KCNS3: variants seen among roughly 807,000 people sequenced by gnomAD.
KCNS3 encodes the protein potassium voltage-gated channel modifier subfamily S member 3.
A neutral mutation model predicts 31.0 loss-of-function variants in KCNS3; 13 were observed. The observed-to-expected ratio is 0.42, with a 90% CI of 0.27 to 0.67. KCNS3 has a LOEUF of 0.67. KCNS3 is among the 30% of genes least tolerant of loss of function. The pLI is 0.25. For missense variants in KCNS3, 545 were observed against 622.4 expected (o/e 0.88, Z 1.32); for synonymous variants, 238 against 241.5 (o/e 0.99, Z 0.13).
chr2:17,884,268 A>AAAATAT (rs1459540269), intron 1 of KCNS3, among the ~76,000 whole-genome samples: 77 of 46,648 alleles, frequency 1.7e-3, no homozygotes, highest in Non-Finnish European at 2.1e-3. Context: ...AAAAAAAAAA[A>AAAATAT]ATATATATAT....
At chr2:17,925,210 G>A (rs1320572210) in intron 2 of KCNS3, among the ~76,000 whole-genome samples, 3 of 152,144 alleles carry the variant, frequency 2.0e-5, no homozygotes, top group Admixed American at 6.5e-5. Flanking sequence ...GGTAAGACAT[G>A]CTTCATTATA....
chr2:17,912,707 C>T (rs967980645), intron 1 of KCNS3, among the ~76,000 whole-genome samples: 4 of 152,198 alleles, frequency 2.6e-5, no homozygotes, highest in Non-Finnish European at 4.4e-5. Context: ...TATTTAGTTA[C>T]CCATGCATCA....
intron 1 of KCNS3, among the ~76,000 whole-genome samples, chr2:17,906,125 C>T (rs1572490411): frequency 6.6e-6 from 1 of 152,172 alleles, no homozygotes; most frequent in East Asian, 1.9e-4. Context: ...TTAATTATTG[C>T]CTCAATTTCA....
Position 17,931,657 on chromosome 2 carries a change from G to T in KCNS3, c.649G>T (p.Val217Leu), listed in dbSNP as rs1662977729. Residue 217 changes from valine (V) to leucine (L), a missense_variant, in exon 3 of 3, where the codon GTG (valine) becomes TTG (leucine). Transcript: ENST00000304101. This position sits in a 1 kb window ranked among gnomAD's most constrained non-coding sequence, Gnocchi z 5.4. ...GGAGTTCCAGAATGAGGATGGAGAAGTGGATGATCCGGTGCTGGAAGGAGT... is the reference window on the plus strand; with the variant it reads ...GGAGTTCCAGAATGAGGATGGAGAATTGGATGATCCGGTGCTGGAAGGAGT... Reference protein sequence around the residue: ...MSEFQNEDGEVDDPVLEGVEI... With the variant: ...MSEFQNEDGELDDPVLEGVEI... The T allele has an allele frequency of 6.2e-7, 1 of 1,614,224 alleles. No homozygotes were observed. The highest frequency in any genetic ancestry group is 8.5e-7 in the Non-Finnish European group (1 of 1,180,046).
chr2:17,899,733 A>G (rs1313880686), intron 1 of KCNS3, among the ~76,000 whole-genome samples: 5 of 152,244 alleles, frequency 3.3e-5, no homozygotes, highest in Non-Finnish European at 7.3e-5. Context: ...CAGAAAAGTT[A>G]TTTTGTAATG....
At chr2:17,930,422 G>A (rs1261018283) in intron 2 of KCNS3, among the ~76,000 whole-genome samples, 5 of 152,172 alleles carry the variant, frequency 3.3e-5, no homozygotes, top group African/African-American at 1.2e-4. Context: ...GGTACGCAAA[G>A]GGAAACTCAC....
intron 1 of KCNS3, among the ~76,000 whole-genome samples, chr2:17,908,036 A>G (rs937055339): frequency 3.3e-5 from 5 of 152,166 alleles, no homozygotes; most frequent in Non-Finnish European, 5.9e-5. Flanking sequence ...GTTCTCCTGG[A>G]TAATATCCTG....
intron 1 of KCNS3, among the ~76,000 whole-genome samples, chr2:17,909,429 G>T (rs767850777): frequency 6.6e-5 from 10 of 152,166 alleles, no homozygotes; most frequent in Non-Finnish European, 1.5e-4. Flanking sequence ...GCCTTGCCCT[G>T]CTTCGGCTCA....
At chr2:17,886,348 AAT>A (rs1227691557) in intron 1 of KCNS3, among the ~76,000 whole-genome samples, 2 of 152,226 alleles carry the variant, frequency 1.3e-5, no homozygotes, top group Non-Finnish European at 2.9e-5. Flanking sequence ...TTCATGGTTG[AAT>A]ACTGTTGTTT....
At chr2:17,908,846 C>T (rs1343588752) in intron 1 of KCNS3, among the ~76,000 whole-genome samples, 10 of 152,148 alleles carry the variant, frequency 6.6e-5, no homozygotes, top group South Asian at 2.1e-4. Context: ...GGTACCCGGC[C>T]GTGTGAAGTG....
At chr2:17,919,230 A>G (rs1484067884) in intron 2 of KCNS3, among the ~76,000 whole-genome samples, 1 of 152,186 alleles carries the variant, frequency 6.6e-6, no homozygotes, top group Non-Finnish European at 1.5e-5. Context: ...GAGTGAGTAC[A>G]ACTTTAATGT....
intron 1 of KCNS3, among the ~76,000 whole-genome samples, chr2:17,897,397 G>T (rs558742678): frequency 6.6e-6 from 1 of 152,250 alleles, no homozygotes; most frequent in South Asian, 2.1e-4. Flanking sequence ...ATTTTCTTTG[G>T]ATATACCGGT....
intron 2 of KCNS3, among the ~76,000 whole-genome samples, chr2:17,927,488 G>C (rs954263042): frequency 6.6e-6 from 1 of 152,186 alleles, no homozygotes; most frequent in Non-Finnish European, 1.5e-5. Flanking sequence ...ACACAAGACT[G>C]TGTAATTTAT....
At chr2:17,881,415 C>G (rs1674640363) in intron 1 of KCNS3, among the ~76,000 whole-genome samples, 1 of 152,154 alleles carries the variant, frequency 6.6e-6, no homozygotes, top group Non-Finnish European at 1.5e-5. Flanking sequence ...CTTTATGGCT[C>G]CTTGACTTGA....
intron 1 of KCNS3, among the ~76,000 whole-genome samples, chr2:17,892,780 T>C (rs1338006965): frequency 6.6e-6 from 1 of 152,228 alleles, no homozygotes; most frequent in Non-Finnish European, 1.5e-5. Context: ...AGTTCTGTGA[T>C]ATGAACTGTC....
chr2:17,892,501 G>A (rs1317903816), intron 1 of KCNS3, among the ~76,000 whole-genome samples: 2 of 152,076 alleles, frequency 1.3e-5, no homozygotes, highest in African/African-American at 4.8e-5. Flanking sequence ...GGGGGGTGTT[G>A]AAGAGCCTTG....
chr2:17,921,955 A>ATATATATG, intron 2 of KCNS3, among the ~76,000 whole-genome samples: 1 of 136,586 alleles, frequency 7.3e-6, no homozygotes, highest in African/African-American at 2.7e-5. Context: ...ATATATATAT[A>ATATATATG]TATAAATACA....
intron 1 of KCNS3, among the ~76,000 whole-genome samples, chr2:17,893,940 G>GTTTTTTTT (rs5829612): frequency 0.012 from 1,209 of 98,812 alleles, 105 homozygotes; most frequent in East Asian, 0.043. Context: ...CCAGGAGCCA[G>GTTTTTTTT]TTTTTTTTTT....
At chr2:17,892,103 T>G in intron 1 of KCNS3, among the ~76,000 whole-genome samples, 1 of 152,132 alleles carries the variant, frequency 6.6e-6, no homozygotes, top group South Asian at 2.1e-4. Context: ...CCATACTTCT[T>G]AGAGGCTTTG....
Sources: allele counts gnomAD v4.1 joint callset (sites outside exome capture counted in the v4.1 genomes callset), GRCh38; gene constraint gnomAD v4.1.1; non-coding constraint Gnocchi (gnomAD v3.1); transcripts MANE v1.5; gene names NCBI Gene and HGNC (gene_info 2026-07-23, HGNC 2026-07-21).